Variants in ABHD12 observed in about 807,000 individuals in gnomAD.
The protein encoded by ABHD12 is lysophosphatidylserine lipase ABHD12.
A neutral mutation model predicts 58.3 loss-of-function variants in ABHD12; 43 were observed. That is an observed-to-expected ratio of 0.74 (90% CI 0.58 to 0.95). The LOEUF (loss-of-function observed/expected upper bound fraction) is 0.95. ABHD12 is among the 40% of genes least tolerant of loss of function. The pLI, the probability that ABHD12 is intolerant of heterozygous loss-of-function variation, is 0.00. For synonymous variants in ABHD12, 219 were observed against 211.2 expected, an observed-to-expected ratio of 1.04 and a Z score of -0.32; for missense variants, 539 against 537.2, an observed-to-expected ratio of 1.00 and a Z score of -0.03.
Position 25,302,212 on chromosome 20 carries a change from G to T in ABHD12, c.1157+7C>A. On this transcript the variant is annotated splice_region_variant and intron_variant, in intron 12 of 12. Coordinates refer to ENST00000339157, the MANE Select transcript of ABHD12 (RefSeq NM_001042472.3). ...CGAAGCCCCTGGGTGGGAAGAGAAT[G>T]TCTCACCTCAGTATCCGTGGCAGCT... 6.2e-7 allele frequency: 1 copy of T among 1,612,950 alleles called. No individual in the cohort carries two copies.
downstream of ABHD12, among the ~76,000 whole-genome samples, chr20:25,298,768 T>C (rs1337427143): frequency 6.6e-6 from 1 of 152,188 alleles, no homozygotes; most frequent in Admixed American, 6.5e-5. Flanking sequence ...GAAATGAGCC[T>C]AGGGCTCTGT....
rs375945474 is a variant in ABHD12 at position 25,309,469 on chromosome 20, G to A, written c.726C>T (p.Ile242=). 6.0e-5 allele frequency: 97 copies of A among 1,614,086 alleles called. No homozygotes were observed. The East Asian group carries it at 9.6e-4, about 16-fold the overall frequency. The part of the protein sequence containing the change: ...KARSGDNPVY[I]WGHSLGTGVA... ...ACCCAGTGCCCAGAGAGTGGCCCCA[G>A]ATGTACACGGGGTTGTCACCACTTC... Residue 242 remains isoleucine, a synonymous_variant, in exon 7 of 13, where the codon ATC becomes ATT. Coordinates refer to ENST00000339157, the MANE Select transcript of ABHD12 (RefSeq NM_001042472.3).
In ABHD12 at chr20:25,390,355, G is replaced by A. The variant is rs529606670; in HGVS notation, c.191+158C>T. Among the ~76,000 whole-genome samples, 7 of 152,224 alleles carry A rather than the reference G, an allele frequency of 4.6e-5. No individual in the cohort carries two copies. The South Asian group carries it at 1.4e-3, about 32-fold the overall frequency. ...AGGGAGCGGGGGTGGGGCTGCCGCGGGCCAAATGCGGGACACAGGCGCGGA... is the reference window on the plus strand; with the variant it reads ...AGGGAGCGGGGGTGGGGCTGCCGCGAGCCAAATGCGGGACACAGGCGCGGA... On this transcript the variant is annotated intron_variant, in intron 1 of 12. Coordinates refer to ENST00000339157, the MANE Select transcript of ABHD12 (RefSeq NM_001042472.3).
chr20:25,316,735 C>A (rs2145960004), intron 5 of ABHD12, among the ~76,000 whole-genome samples: 1 of 152,294 alleles, frequency 6.6e-6, no homozygotes, highest in Middle Eastern at 3.4e-3. Flanking sequence ...TCGAGACCAG[C>A]CTGAGCAACA....
At chr20:25,345,813 G>T (rs1300342351) in intron 1 of ABHD12, among the ~76,000 whole-genome samples, 1 of 152,150 alleles carries the variant, frequency 6.6e-6, no homozygotes, top group Non-Finnish European at 1.5e-5. Context: ...GGAGCAACAG[G>T]AATTCTCATT....
downstream of ABHD12, among the ~76,000 whole-genome samples, chr20:25,296,169 C>T (rs2474778): frequency 1.7e-3 from 258 of 152,292 alleles, no homozygotes; most frequent in Middle Eastern, 6.8e-3. Flanking sequence ...TCCTTGCTCC[C>T]TAGATCTAGA....
chr20:25,385,394 G>A (rs1447814722), intron 1 of ABHD12, among the ~76,000 whole-genome samples: 1 of 149,602 alleles, frequency 6.7e-6, no homozygotes, highest in Non-Finnish European at 1.5e-5. Context: ...CAAAAAACAG[G>A]GAAGAAAACT....
intron 1 of ABHD12, chr20:25,368,747 A>C: frequency 9.5e-7 from 1 of 1,051,898 alleles, no homozygotes; most frequent in Non-Finnish European, 1.5e-6. Flanking sequence ...GCAATGTTGA[A>C]GAACAGTGGG....
intron 1 of ABHD12, among the ~76,000 whole-genome samples, chr20:25,353,509 G>A (rs934424125): frequency 2.0e-5 from 3 of 152,136 alleles, no homozygotes; most frequent in Non-Finnish European, 4.4e-5. Context: ...GCACTCAGGA[G>A]GGCACACAGA....
chr20:25,382,949 C>G (rs961629530), intron 1 of ABHD12, among the ~76,000 whole-genome samples: 14 of 152,064 alleles, frequency 9.2e-5, no homozygotes, highest in Non-Finnish European at 1.5e-4. Flanking sequence ...AGGGGGGGGG[C>G]CAGCTATGGC....
chr20:25,367,675 T>G (rs1322716569), intron 1 of ABHD12, among the ~76,000 whole-genome samples: 1 of 152,226 alleles, frequency 6.6e-6, no homozygotes, highest in East Asian at 1.9e-4. Flanking sequence ...AGTACTTGTC[T>G]TTTTGTGACT....
chr20:25,313,599 A>AAAAT (rs1210808479), intron 6 of ABHD12, among the ~76,000 whole-genome samples: 1 of 148,636 alleles, frequency 6.7e-6, no homozygotes, highest in East Asian at 1.9e-4. Flanking sequence ...AAAATAAAAT[A>AAAAT]AAATAAAATA....
intron 1 of ABHD12, among the ~76,000 whole-genome samples, chr20:25,388,143 G>C (rs1471940540): frequency 2.4e-5 from 1 of 42,190 alleles, no homozygotes; most frequent in African/African-American, 1.7e-4. Flanking sequence ...TTAAGTGATG[G>C]ACACATGAAG....
chr20:25,296,605 G>C, downstream of ABHD12: 1 of 1,502,818 alleles, frequency 6.7e-7, no homozygotes, highest in Non-Finnish European at 8.9e-7. Flanking sequence ...CACTTTGCCA[G>C]CCACTGGTGG....
chr20:25,299,382 AGAGT>A (rs1361566383), downstream of ABHD12, among the ~76,000 whole-genome samples: 1 of 152,166 alleles, frequency 6.6e-6, no homozygotes, highest in African/African-American at 2.4e-5. Flanking sequence ...CCTGGGCAAC[AGAGT>A]GAGACTGTCT....
At chr20:25,360,886 A>G in intron 1 of ABHD12, among the ~76,000 whole-genome samples, 1 of 152,256 alleles carries the variant, frequency 6.6e-6, no homozygotes, top group East Asian at 1.9e-4. Flanking sequence ...CACTGCCCCA[A>G]TTCATCAAGA....
At chr20:25,386,947 G>A (rs2090099257) in intron 1 of ABHD12, among the ~76,000 whole-genome samples, 1 of 151,940 alleles carries the variant, frequency 6.6e-6, no homozygotes, top group South Asian at 2.1e-4. Context: ...GTTTATCCCA[G>A]GAATACAATG....
At chr20:25,295,008 T>G in exon 13 of ABHD12, 1 of 1,614,220 alleles carries the variant, frequency 6.2e-7, no homozygotes, top group South Asian at 1.1e-5. Flanking sequence ...GGATCTGGGC[T>G]GGAACCTGGG....
chr20:25,299,057 A>G (rs1171776614), downstream of ABHD12, among the ~76,000 whole-genome samples: 1 of 149,716 alleles, frequency 6.7e-6, no homozygotes, highest in African/African-American at 2.5e-5. Context: ...CAGCTGCCAC[A>G]CAGTGCACCC....
Sources: gnomAD v4.1 joint callset for allele counts (sites outside exome capture counted in the v4.1 genomes callset) on GRCh38, gnomAD v4.1.1 for gene constraint, MANE v1.5 for transcripts, NCBI Gene and HGNC (gene_info 2026-07-23, HGNC 2026-07-21) for gene names.